The following NRP1 variants were observed in gnomAD, a reference collection of about 807,000 sequenced individuals.
NRP1 encodes neuropilin 1.
Under a neutral mutation model 106.7 loss-of-function variants are expected in NRP1, and 35 were observed. The observed-to-expected ratio is 0.33, with a 90% CI of 0.25 to 0.43. The LOEUF is 0.43. NRP1 is among the 20% of genes least tolerant of loss of function. The probability of loss-of-function intolerance (pLI) is 1.00; values close to 1 mark genes in which losing one functional copy is unlikely to be tolerated. For synonymous variants in NRP1, 437 were observed against 417.9 expected (o/e 1.05, Z -0.56); for missense variants, 1,024 against 1,170.4 (o/e 0.87, Z 1.83).
intron 9 of NRP1, among the ~76,000 whole-genome samples, chr10:33,210,635 C>G (rs1330741920): frequency 6.6e-6 from 1 of 152,194 alleles, no homozygotes; most frequent in Non-Finnish European, 1.5e-5. Flanking sequence ...GACCTTCTCT[C>G]TGTTGCTAAA....
At chr10:33,310,599 A>G (rs899557928) in intron 2 of NRP1, among the ~76,000 whole-genome samples, 2 of 152,114 alleles carry the variant, frequency 1.3e-5, no homozygotes, top group Non-Finnish European at 1.5e-5. Context: ...TTCGGACCCA[A>G]AGATGGAAAC....
chr10:33,185,225 A>T (rs113012542), intron 15 of NRP1, among the ~76,000 whole-genome samples: 19 of 152,362 alleles, frequency 1.2e-4, no homozygotes, highest in African/African-American at 4.6e-4. Context: ...AATTAAACTT[A>T]TTCTGATCAA....
chr10:33,209,202 T>G (rs1447188832), intron 9 of NRP1, among the ~76,000 whole-genome samples: 1 of 151,562 alleles, frequency 6.6e-6, no homozygotes, highest in Non-Finnish European at 1.5e-5. Flanking sequence ...CCCCCATGCC[T>G]GGCCACATAT....
intron 2 of NRP1, among the ~76,000 whole-genome samples, chr10:33,318,328 T>A (rs1033276813): frequency 3.3e-5 from 5 of 152,152 alleles, no homozygotes; most frequent in African/African-American, 1.2e-4. Context: ...ATCTCCTGTC[T>A]CACAGACAAG....
intron 2 of NRP1, among the ~76,000 whole-genome samples, chr10:33,286,457 A>G (rs1487748863): frequency 6.6e-6 from 1 of 152,030 alleles, no homozygotes; most frequent in Non-Finnish European, 1.5e-5. Context: ...CATGCAATCT[A>G]GAGGTAGAGT....
At position 33,334,415 on chromosome 10, in the gene NRP1, G is replaced by A. The variant is rs750728269; in HGVS notation, c.-33C>T. On this transcript the variant is annotated 5_prime_UTR_variant, in exon 1 of 17. Coordinates refer to ENST00000374867, the MANE Select transcript of NRP1 (RefSeq NM_003873.7). ...TCTCCGGGTCCGCAGGCAGACGCGG[G>A]AGAACGAGGACGTGGGGGGAAATGC... 1 of 1,528,650 alleles carries A rather than the reference G, an allele frequency of 6.5e-7. No homozygotes were observed. The allele number at this position is 1,528,650 out of a possible 1,614,324, so 94.7% of individuals were successfully genotyped here.
intron 2 of NRP1, among the ~76,000 whole-genome samples, chr10:33,313,912 G>T (rs768233354): frequency 2.0e-5 from 3 of 152,128 alleles, no homozygotes; most frequent in African/African-American, 7.2e-5. Flanking sequence ...AAATGCAAAC[G>T]TTTATTAGTT....
At chr10:33,309,895 G>A (rs1373992657) in intron 2 of NRP1, among the ~76,000 whole-genome samples, 1 of 150,544 alleles carries the variant, frequency 6.6e-6, no homozygotes, top group Non-Finnish European at 1.5e-5. Context: ...TACCTGCAAT[G>A]TTTAAAAGCC....
intron 6 of NRP1, among the ~76,000 whole-genome samples, chr10:33,240,495 T>C (rs1002633449): frequency 6.6e-6 from 1 of 152,206 alleles, no homozygotes; most frequent in Admixed American, 6.5e-5. Context: ...CCCTTTAAGC[T>C]TGGTTTCAAA....
chr10:33,222,161 A>G (rs1193258734), intron 7 of NRP1, among the ~76,000 whole-genome samples: 4 of 152,354 alleles, frequency 2.6e-5, no homozygotes, highest in Middle Eastern at 3.4e-3. Flanking sequence ...GTGTGAAACT[A>G]TTAACTTTAC....
intron 2 of NRP1, among the ~76,000 whole-genome samples, chr10:33,291,546 G>C (rs1192132880): frequency 6.6e-6 from 1 of 152,216 alleles, no homozygotes; most frequent in African/African-American, 2.4e-5. Context: ...CCACAGACCA[G>C]TACTAAACAG....
At chr10:33,243,082 G>C (rs1022514663) in intron 6 of NRP1, among the ~76,000 whole-genome samples, 1 of 152,036 alleles carries the variant, frequency 6.6e-6, no homozygotes, top group African/African-American at 2.4e-5. Context: ...AACCGTTTGG[G>C]CTTCATCTTA....
At chr10:33,279,926 G>C (rs557416232) in intron 2 of NRP1, among the ~76,000 whole-genome samples, 1 of 152,308 alleles carries the variant, frequency 6.6e-6, no homozygotes, top group South Asian at 2.1e-4. Context: ...GGAGCTCTGA[G>C]CCTATAGGCA....
intron 6 of NRP1, among the ~76,000 whole-genome samples, chr10:33,239,734 A>G (rs113734817): frequency 0.026 from 3,984 of 152,296 alleles, 180 homozygotes; most frequent in African/African-American, 0.09. Flanking sequence ...AAGGCATCAG[A>G]GATTAAATAC....
intron 8 of NRP1, among the ~76,000 whole-genome samples, chr10:33,220,248 C>T (rs1176057054): frequency 6.6e-6 from 1 of 152,024 alleles, no homozygotes; most frequent in Non-Finnish European, 1.5e-5. Context: ...GGAATATTGC[C>T]AAAGTGATTT....
At chr10:33,260,767 C>T (rs1842515519) in intron 4 of NRP1, among the ~76,000 whole-genome samples, 1 of 152,126 alleles carries the variant, frequency 6.6e-6, no homozygotes, top group Admixed American at 6.5e-5. Flanking sequence ...TGCTTTTCTT[C>T]AAAGTCAATT....
chr10:33,215,382 C>A (rs1838675409), intron 8 of NRP1, among the ~76,000 whole-genome samples: 2 of 152,134 alleles, frequency 1.3e-5, no homozygotes, highest in African/African-American at 4.8e-5. Context: ...AGTCATGTAC[C>A]CACAGCTAGA....
intron 2 of NRP1, among the ~76,000 whole-genome samples, chr10:33,283,803 C>T (rs1444974297): frequency 6.6e-6 from 1 of 152,162 alleles, no homozygotes; most frequent in East Asian, 1.9e-4. Context: ...AAAGCAATGG[C>T]CATAAACATT....
rs76934976 is a variant in NRP1 at position 33,230,500 on chromosome 10, C to T, written c.982-4211G>A. On this transcript the variant is annotated intron_variant, in intron 6 of 16. Transcript: ENST00000374867. ...TAAATTCTCCCCCTCTACTCTACCA[C>T]GATGAAGACAGCAACATTTATCAGT... Among the ~76,000 whole-genome samples the T allele has an allele frequency of 3.3e-5, 5 of 152,256 alleles. No homozygotes were observed. In the East Asian group the frequency reaches 7.7e-4, roughly 24 times the overall value.
Sources: gnomAD v4.1 joint callset for allele counts (sites outside exome capture counted in the v4.1 genomes callset) on GRCh38, gnomAD v4.1.1 for gene constraint, MANE v1.5 for transcripts, NCBI Gene and HGNC (gene_info 2026-07-23, HGNC 2026-07-21) for gene names.